The following SLIT2 variants were observed in gnomAD, a reference collection of about 807,000 sequenced individuals.
The protein encoded by SLIT2 is slit guidance ligand 2.
A neutral mutation model predicts 185.7 loss-of-function variants in SLIT2; 41 were observed. That is an observed-to-expected ratio of 0.22 (90% CI 0.17 to 0.29). The LOEUF is 0.29. SLIT2 is among the 10% of genes least tolerant of loss of function. SLIT2 has a pLI of 1.00. For missense variants in SLIT2, 1,571 were observed against 1,909.0 expected, an observed-to-expected ratio of 0.82 and a Z score of 3.30; for synonymous variants, 693 against 680.2, an observed-to-expected ratio of 1.02 and a Z score of -0.29.
intron 4 of SLIT2, among the ~76,000 whole-genome samples, chr4:20,435,862 G>A (rs1241672295): frequency 6.6e-6 from 1 of 152,168 alleles, no homozygotes; most frequent in Non-Finnish European, 1.5e-5. Context: ...TAGATATTGT[G>A]CAGATAAATT....
At chr4:20,434,049 A>T (rs915230005) in intron 4 of SLIT2, among the ~76,000 whole-genome samples, 3 of 152,186 alleles carry the variant, frequency 2.0e-5, no homozygotes, top group African/African-American at 7.2e-5. Context: ...TTTGTGTCCC[A>T]TTTGGAGAAA....
chr4:20,556,634 A>C (rs1327799166), intron 26 of SLIT2, among the ~76,000 whole-genome samples: 2 of 151,962 alleles, frequency 1.3e-5, no homozygotes, highest in Non-Finnish European at 2.9e-5. Context: ...ACAATACTGA[A>C]ATTAGGCCAG....
intron 4 of SLIT2, among the ~76,000 whole-genome samples, chr4:20,285,025 G>T (rs549056385): frequency 3.3e-5 from 5 of 152,224 alleles, no homozygotes; most frequent in East Asian, 3.9e-4. Flanking sequence ...TTTTGTGTTT[G>T]GTCACTGTAT....
chr4:20,312,184 A>C (rs1290906689), intron 4 of SLIT2, among the ~76,000 whole-genome samples: 2 of 152,168 alleles, frequency 1.3e-5, no homozygotes, highest in Non-Finnish European at 2.9e-5. Context: ...GTTTCCACTA[A>C]CTGTGTTAAA....
intron 4 of SLIT2, among the ~76,000 whole-genome samples, chr4:20,436,320 A>G (rs1729341231): frequency 6.6e-6 from 1 of 152,238 alleles, no homozygotes; most frequent in Non-Finnish European, 1.5e-5. Flanking sequence ...GTGCTTCAGT[A>G]CATGTACCTA....
chr4:20,552,570 A>G (rs1025925002), intron 25 of SLIT2: 3 of 152,110 alleles, frequency 2.0e-5, no homozygotes. Flanking sequence ...GATGAGATCA[A>G]ATGACTAAAA....
intron 4 of SLIT2, among the ~76,000 whole-genome samples, chr4:20,318,332 G>A (rs569880670): frequency 3.3e-5 from 5 of 152,228 alleles, no homozygotes; most frequent in East Asian, 1.9e-4. Flanking sequence ...GACTTGGAGC[G>A]CACTTAGCTG....
chr4:20,470,607 G>A (rs184800396), intron 5 of SLIT2, among the ~76,000 whole-genome samples: 34 of 146,802 alleles, frequency 2.3e-4, no homozygotes, highest in Middle Eastern at 3.4e-3. Context: ...ACACAGTCTC[G>A]CTCTGTCACC....
chr4:20,297,415 T>C (rs970342523), intron 4 of SLIT2, among the ~76,000 whole-genome samples: 3 of 152,108 alleles, frequency 2.0e-5, no homozygotes, highest in Non-Finnish European at 4.4e-5. Context: ...ATTCTGAGGG[T>C]TTTCCCCCCT....
intron 4 of SLIT2, among the ~76,000 whole-genome samples, chr4:20,436,963 CCA>C (rs757860770): frequency 1.3e-5 from 2 of 152,154 alleles, no homozygotes; most frequent in Non-Finnish European, 2.9e-5. Context: ...TATTCAATCA[CCA>C]CAGAGTTAGT....
chr4:20,318,089 AT>A (rs1276140940), intron 4 of SLIT2, among the ~76,000 whole-genome samples: 3 of 152,074 alleles, frequency 2.0e-5, no homozygotes, highest in Non-Finnish European at 4.4e-5. Context: ...CATCAGAAGA[AT>A]TTTTTCTTTT....
intron 29 of SLIT2, among the ~76,000 whole-genome samples, chr4:20,586,526 G>A (rs749350926): frequency 3.3e-5 from 5 of 152,114 alleles, no homozygotes; most frequent in Admixed American, 1.3e-4. Context: ...ATAAACACCA[G>A]TAATATAAAA....
rs943103112 is a variant in SLIT2, at chr4:20,253,049, G to T, written c.-767G>T. ...CCTGGTGCAGAGCGTCGCCAAGGAC[G>T]CCGAGCGGGAGGCGGGATTGCCCAG... On this transcript the variant is annotated 5_prime_UTR_variant, in exon 1 of 37. Coordinates refer to ENST00000504154, the MANE Select transcript of SLIT2 (RefSeq NM_004787.4). 6.6e-6 allele frequency among the ~76,000 whole-genome samples: 1 copy of T among 152,118 alleles called. No homozygotes were observed. The highest frequency in any genetic ancestry group is 2.4e-5 in the African/African-American group (1 of 41,430).
intron 4 of SLIT2, among the ~76,000 whole-genome samples, chr4:20,402,382 TTTG>T (rs1208232462): frequency 3.9e-5 from 6 of 151,948 alleles, no homozygotes; most frequent in African/African-American, 1.2e-4. Flanking sequence ...GCTTAATTTT[TTTG>T]TTGGAGTAAA....
chr4:20,617,282 G>A, intron 35 of SLIT2, 84 bp downstream of exon 35: 1 of 1,390,824 alleles, frequency 7.2e-7, no homozygotes, highest in Admixed American at 2.0e-5. Flanking sequence ...AAGAAGGGGA[G>A]GGGACGGGAA....
intron 10 of SLIT2, 72 bp downstream of exon 10, chr4:20,510,638 T>G: frequency 2.2e-6 from 2 of 929,698 alleles, no homozygotes; most frequent in Non-Finnish European, 3.5e-6. Context: ...GCAAAGAAAC[T>G]TAAGTATGAG....
chr4:20,425,491 G>GA (rs1411431451), intron 4 of SLIT2, among the ~76,000 whole-genome samples: 1 of 151,968 alleles, frequency 6.6e-6, no homozygotes, highest in Non-Finnish European at 1.5e-5. Flanking sequence ...AATAGTCTCA[G>GA]AAAAAATAAG....
intron 1 of SLIT2, among the ~76,000 whole-genome samples, chr4:20,255,944 C>A (rs188695470): frequency 6.6e-6 from 1 of 152,130 alleles, no homozygotes; most frequent in South Asian, 2.1e-4. Context: ...TAGATCTTGA[C>A]CTGAAATGCC....
chr4:20,438,960 G>T (rs574023430), intron 4 of SLIT2, among the ~76,000 whole-genome samples: 1 of 151,886 alleles, frequency 6.6e-6, no homozygotes, highest in East Asian at 1.9e-4. Flanking sequence ...GTTTCTTATT[G>T]TCTGACATAC....
Sources: gnomAD v4.1 joint callset for allele counts (sites outside exome capture counted in the v4.1 genomes callset) on GRCh38, gnomAD v4.1.1 for gene constraint, MANE v1.5 for transcripts, NCBI Gene and HGNC (gene_info 2026-07-23, HGNC 2026-07-21) for gene names.